KRT4: variants seen among roughly 807,000 people sequenced by gnomAD.
The protein encoded by KRT4 is keratin 4.
In KRT4, 47 loss-of-function variants were observed where a neutral mutation model predicts 50.6. That is an observed-to-expected ratio of 0.93 (90% CI 0.73 to 1.18). KRT4 has a LOEUF of 1.18. KRT4 is among the 50% of genes most tolerant of loss of function. The pLI is 0.00. For synonymous variants in KRT4, 254 were observed against 251.2 expected, an observed-to-expected ratio of 1.01 and a Z score of -0.10; for missense variants, 651 against 645.7, an observed-to-expected ratio of 1.01 and a Z score of -0.09.
intron 2 of KRT4, 180 bp downstream of exon 2, chr12:52,811,583 C>T: frequency 1.6e-6 from 1 of 619,110 alleles, no homozygotes; most frequent in Non-Finnish European, 2.9e-6. Flanking sequence ...TCGGAAAAAT[C>T]TGTGGTTACC....
In KRT4 at chr12:52,806,766, C is replaced by T. The variant is rs1291731381; in HGVS notation, c.*303G>A. The T allele has an allele frequency of 2.2e-6, 1 of 464,688 alleles. No homozygotes were observed. Among genetic ancestry groups the T allele is most frequent in the Non-Finnish European group, 4.0e-6 (1 of 251,438 alleles). The allele number at this position is 464,688 out of a possible 1,614,324, so 28.8% of individuals were successfully genotyped here. A position where few individuals can be genotyped will look rare whatever the true frequency, so the allele number is the denominator to read the frequency against. On this transcript the variant is annotated 3_prime_UTR_variant, in exon 9 of 9. Coordinates refer to ENST00000551956, the MANE Select transcript of KRT4 (RefSeq NM_002272.4). ...AGGGACATATGTGACCCCAATAATT[C>T]TGGAGATGACACTCCTGGTCATTTT...
At position 52,814,084 on chromosome 12, in the gene KRT4, A is replaced by C; in HGVS notation, c.-26T>G. 1.2e-6 allele frequency: 2 copies of C among 1,613,772 alleles called. No homozygotes were observed. Among genetic ancestry groups the C allele is most frequent in the South Asian group, 1.1e-5 (1 of 91,076 alleles). Reference sequence around the variant, plus strand: ...GGCTGCAGAGAGCGAGCTGGGAGCTATCAGAGAAGTGACAGGGCCCAGGCC... The same window carrying C: ...GGCTGCAGAGAGCGAGCTGGGAGCTCTCAGAGAAGTGACAGGGCCCAGGCC... On this transcript the variant is annotated 5_prime_UTR_variant, in exon 1 of 9. Transcript: ENST00000551956.
Position 52,807,745 on chromosome 12 carries a change from C to T in KRT4, c.1245G>A (p.Leu415=), listed in dbSNP as rs1489687337. 7 of 1,614,210 alleles carry T rather than the reference C, an allele frequency of 4.3e-6. No individual in the cohort carries two copies. Among genetic ancestry groups the T allele is most frequent in the Middle Eastern group, 1.7e-4 (1 of 6,058 alleles). ...CCTGGTACTCACGCAGCATTCGTGCCAGCTCCTCCTTGGCCTGCTGCAGGG... is the reference window on the plus strand; with the variant it reads ...CCTGGTACTCACGCAGCATTCGTGCTAGCTCCTCCTTGGCCTGCTGCAGGG... ...EAALQQAKEE[L]ARMLREYQEL... Residue 415 remains leucine (L), a synonymous_variant, in exon 7 of 9, where the codon CTG becomes CTA. Transcript: ENST00000551956.
Position 52,807,812 on chromosome 12 carries a change from G to A in KRT4, c.1178C>T (p.Ala393Val), listed in dbSNP as rs750589072. The A allele has an allele frequency of 1.9e-6, 3 of 1,614,016 alleles. No homozygotes were observed. Among genetic ancestry groups the A allele is most frequent in the African/African-American group, 1.3e-5 (1 of 74,938 alleles). The change falls in exon 7 of 9, where the codon GCC becomes GTC. Residue 393 changes from alanine (A) to valine (V), a missense_variant. Physicochemically the swap from Ala to Val is moderately conservative, Grantham distance 64. Transcript: ENST00000551956. ...VADAEQRGEN[A>V]LKDAHSKRVE... ...GCGCTTGCTGTGGGCATCTTTAAGG[G>A]CATTCTCACCTCGCTGCTCTGCATC... is the stretch of plus-strand genomic sequence containing the variant.
At chr12:52,809,757 C>T (rs1694185277) in intron 3 of KRT4, among the ~76,000 whole-genome samples, 1 of 152,162 alleles carries the variant, frequency 6.6e-6, no homozygotes, top group Non-Finnish European at 1.5e-5. Context: ...TGCTGGAATT[C>T]CACTCAAAGG....
chr12:52,808,234 TG>T, intron 6 of KRT4, 59 bp downstream of exon 6: 1 of 1,601,128 alleles, frequency 6.2e-7, no homozygotes, highest in Non-Finnish European at 8.6e-7. Context: ...TTGTCCACTC[TG>T]GAGATGTCTG....
chr12:52,809,692 TGGAGATC>T (rs1565684260), intron 3 of KRT4, among the ~76,000 whole-genome samples: 1 of 152,158 alleles, frequency 6.6e-6, no homozygotes, highest in African/African-American at 2.4e-5. Context: ...TCTAACAGTA[TGGAGATC>T]TCTCAAAGAA....
chr12:52,808,594 T>C lies in KRT4; in HGVS notation c.999+92A>G, dbSNP rs1939849856. ...GGAGAGTCTGTTCATATCTGACTTC[T>C]ATTGGGCTTGAGCTAATGATCACCT... On this transcript the variant is annotated intron_variant, in intron 5 of 8. Coordinates refer to ENST00000551956, the MANE Select transcript of KRT4 (RefSeq NM_002272.4). 5 of 1,518,454 alleles carry C rather than the reference T, an allele frequency of 3.3e-6. No individual in the cohort carries two copies. The South Asian group carries it at 4.5e-5, about 14-fold the overall frequency. The allele number at this position is 1,518,454 out of a possible 1,614,324, so 94.1% of individuals were successfully genotyped here.
At chr12:52,809,173 C>T in intron 4 of KRT4, 1 of 642,424 alleles carries the variant, frequency 1.6e-6, no homozygotes, top group Non-Finnish European at 2.8e-6. Context: ...TAGATCTAAT[C>T]ACCCCGTCTA....
Position 52,807,802 on chromosome 12 carries a change from A to C in KRT4, c.1188T>G (p.Asp396Glu), listed in dbSNP as rs1313452489. Reference sequence around the variant, plus strand: ...CCAGCTCTACGCGCTTGCTGTGGGCATCTTTAAGGGCATTCTCACCTCGCT... The same window carrying C: ...CCAGCTCTACGCGCTTGCTGTGGGCCTCTTTAAGGGCATTCTCACCTCGCT... Reference protein sequence around the residue: ...AEQRGENALKDAHSKRVELEA... With the variant: ...AEQRGENALKEAHSKRVELEA... The change falls in exon 7 of 9, where the codon GAT becomes GAG. Residue 396 changes from aspartate to glutamate, a missense_variant. Transcript: ENST00000551956. 1.2e-6 allele frequency: 2 copies of C among 1,614,180 alleles called. No homozygotes were observed. Among genetic ancestry groups the C allele is most frequent in the Admixed American group, 3.3e-5 (2 of 60,024 alleles).
Position 52,811,955 on chromosome 12 carries a change from T to C in KRT4, c.485A>G (p.Asn162Ser). The change falls in exon 2 of 9, where the codon AAT becomes AGT. Residue 162 changes from asparagine (N) to serine (S), a missense_variant. Physicochemically the swap from Asn to Ser is conservative, Grantham distance 46 (BLOSUM62 1). Coordinates refer to ENST00000551956, the MANE Select transcript of KRT4 (RefSeq NM_002272.4). Reference sequence around the variant, plus strand: ...GTTCCATTTGGTCTCCAGGACCTTATTCTGTTGCTCTAAGAACTGCACCTG... The same window carrying C: ...GTTCCATTTGGTCTCCAGGACCTTACTCTGTTGCTCTAAGAACTGCACCTG... ...IDKVQFLEQQNKVLETKWNLL... is the reference protein window; with the variant it reads ...IDKVQFLEQQSKVLETKWNLL... The C allele has an allele frequency of 6.2e-7, 1 of 1,613,808 alleles. No homozygotes were observed. The highest frequency in any genetic ancestry group is 8.5e-7 in the Non-Finnish European group (1 of 1,179,946).
In KRT4 at chr12:52,808,305, T is replaced by C. The variant is rs1454816170; in HGVS notation, c.1114A>G (p.Ile372Val). 3 of 1,614,060 alleles carry C rather than the reference T, an allele frequency of 1.9e-6. No homozygotes were observed. The highest frequency in any genetic ancestry group is 1.3e-5 in the African/African-American group (1 of 74,922). ...GGAGTGACACCCACCTGCTTCTTGA[T>C]GTTCTCGATCTCTGCCCGCAGCCTC... The part of the protein sequence containing the change: ...IQRLRAEIEN[I>V]KKQCQTLQVS... Residue 372 changes from isoleucine to valine, a missense_variant, in exon 6 of 9, where the codon ATC becomes GTC. Coordinates refer to ENST00000551956, the MANE Select transcript of KRT4 (RefSeq NM_002272.4).
At chr12:52,808,208 C>G (rs1939835616) in intron 6 of KRT4, 86 bp downstream of exon 6, 1 of 1,541,616 alleles carries the variant, frequency 6.5e-7, no homozygotes, top group Middle Eastern at 2.0e-4. Flanking sequence ...GTCTTCTGGC[C>G]TGATGCTTTA....
chr12:52,810,875 A>G (rs1939899020), intron 2 of KRT4, 59 bp from the exon 3 acceptor site: 2 of 1,364,468 alleles, frequency 1.5e-6, no homozygotes, highest in African/African-American at 2.9e-5. Context: ...TGTTTCTCAG[A>G]TCTCTGCTGC....
intron 7 of KRT4, 74 bp from the exon 8 acceptor site, chr12:52,807,467 C>G: frequency 6.4e-7 from 1 of 1,574,002 alleles, no homozygotes; most frequent in Non-Finnish European, 8.7e-7. Flanking sequence ...TCACTCACCT[C>G]TCTTATCCTT....
chr12:52,812,483 C>T (rs890915353), intron 1 of KRT4, among the ~76,000 whole-genome samples: 6 of 152,158 alleles, frequency 3.9e-5, no homozygotes, highest in African/African-American at 7.2e-5. Context: ...GGGCCCTGTA[C>T]GCATTGTCTC....
Position 52,806,965 on chromosome 12 carries a change from A to G in KRT4, c.*104T>C. The G allele has an allele frequency of 9.0e-7, 1 of 1,114,566 alleles. No homozygotes were observed. The highest frequency in any genetic ancestry group is 1.4e-6 in the Non-Finnish European group (1 of 739,708). The allele number at this position is 1,114,566 out of a possible 1,614,324, so 69.0% of individuals were successfully genotyped here. ...ATGGGATAGTGGAGGGGATACTAGT[A>G]AGATGAGCCCCAGAGACAGAGGATG... On this transcript the variant is annotated 3_prime_UTR_variant, in exon 9 of 9. Transcript: ENST00000551956.
intron 4 of KRT4, 71 bp from the exon 5 acceptor site, chr12:52,808,921 A>T: frequency 6.6e-7 from 1 of 1,526,674 alleles, no homozygotes; most frequent in Non-Finnish European, 9.1e-7. Flanking sequence ...CTCAAGTAGG[A>T]GCAGAGCTGG....
At position 52,807,111 on chromosome 12, in the gene KRT4, G is replaced by A. The variant is rs1939810123; in HGVS notation, c.1521C>T (p.Ser507=). The A allele has an allele frequency of 6.2e-7, 1 of 1,614,030 alleles. No homozygotes were observed. The highest frequency in any genetic ancestry group is 1.3e-5 in the African/African-American group (1 of 74,914). The change falls in exon 9 of 9, where the codon AGC becomes AGT. Residue 507 remains serine, a synonymous_variant. Transcript: ENST00000551956. ...GGGTGGTGGTAGAGATGATCTTGCTGCTGGAACTGCCAGAGACACTGCCAC... is the reference window on the plus strand; with the variant it reads ...GGGTGGTGGTAGAGATGATCTTGCTACTGGAACTGCCAGAGACACTGCCAC... ...GFGGSVSGSS[S]SKIISTTTLN... is the part of the protein sequence containing the mutation.
Sources: gnomAD v4.1 joint callset for allele counts (sites outside exome capture counted in the v4.1 genomes callset) on GRCh38, gnomAD v4.1.1 for gene constraint, MANE v1.5 for transcripts, NCBI Gene and HGNC (gene_info 2026-07-23, HGNC 2026-07-21) for gene names.